CDH2: variants seen among roughly 807,000 people sequenced by gnomAD.
CDH2 encodes cadherin-2.
In CDH2, 17 loss-of-function variants were observed where a neutral mutation model predicts 92.0. The ratio of observed to expected loss-of-function variants is 0.18; its 90% CI spans 0.13 to 0.28. The LOEUF (loss-of-function observed/expected upper bound fraction) is 0.28, where lower values mean the gene tolerates loss of function less well. Ranked by LOEUF, CDH2 falls within the 10% of genes least tolerant of loss-of-function variation. The probability of loss-of-function intolerance (pLI) is 1.00; values close to 1 mark genes in which losing one functional copy is unlikely to be tolerated. For synonymous variants in CDH2, 419 were observed against 415.9 expected (o/e 1.01, Z -0.09); for missense variants, 862 against 1,133.1 (o/e 0.76, Z 3.44).
intron 1 of CDH2, among the ~76,000 whole-genome samples, chr18:28,156,421 G>GC (rs1568020360): frequency 6.7e-6 from 1 of 149,996 alleles, no homozygotes; most frequent in Non-Finnish European, 1.5e-5. Flanking sequence ...CCCAGGTACA[G>GC]AATGTCACCT....
At chr18:28,041,510 A>G (rs932487779) in intron 2 of CDH2, among the ~76,000 whole-genome samples, 3 of 152,228 alleles carry the variant, frequency 2.0e-5, no homozygotes, top group African/African-American at 4.8e-5. Flanking sequence ...AAAGATGAAC[A>G]GTCAGCAGGC....
intron 2 of CDH2, among the ~76,000 whole-genome samples, chr18:28,096,491 G>A (rs1488961785): frequency 5.4e-5 from 8 of 149,454 alleles, no homozygotes; most frequent in East Asian, 3.9e-4. Context: ...TTTCTGGAAC[G>A]CAATATGAAA....
intron 7 of CDH2, among the ~76,000 whole-genome samples, chr18:27,994,737 T>G (rs757147540): frequency 2.0e-5 from 3 of 152,030 alleles, no homozygotes; most frequent in Non-Finnish European, 4.4e-5. Flanking sequence ...GGAGCTTAGA[T>G]AGAACACACA....
At chr18:28,116,147 A>G (rs1220773955) in intron 2 of CDH2, among the ~76,000 whole-genome samples, 2 of 152,128 alleles carry the variant, frequency 1.3e-5, no homozygotes, top group Non-Finnish European at 2.9e-5. Flanking sequence ...TACATCAAAG[A>G]ATTATCTGGT....
chr18:28,142,333 C>G (rs1033976764), intron 2 of CDH2, among the ~76,000 whole-genome samples: 1 of 151,890 alleles, frequency 6.6e-6, no homozygotes, highest in Non-Finnish European at 1.5e-5. Flanking sequence ...TGAAGAACTA[C>G]AAAAGGACTT....
At chr18:28,077,523 G>T (rs2144182112) in intron 2 of CDH2, among the ~76,000 whole-genome samples, 1 of 152,178 alleles carries the variant, frequency 6.6e-6, no homozygotes, top group Admixed American at 6.5e-5. Flanking sequence ...AACTCTAAAA[G>T]TCCTCCAAAA....
At chr18:28,043,890 A>ATTT (rs67532914) in intron 2 of CDH2, among the ~76,000 whole-genome samples, 2,166 of 91,202 alleles carry the variant, frequency 0.024, 294 homozygotes, top group Non-Finnish European at 0.033. Flanking sequence ...AGAATCTCGG[A>ATTT]TTTTTTTTTT....
At chr18:28,015,586 G>C (rs2013222322) in intron 2 of CDH2, among the ~76,000 whole-genome samples, 1 of 152,122 alleles carries the variant, frequency 6.6e-6, no homozygotes, top group African/African-American at 2.4e-5. Context: ...TGTATAAAAA[G>C]TACTTTTTTA....
chr18:27,999,540 T>C (rs924228691), intron 7 of CDH2, among the ~76,000 whole-genome samples: 1 of 152,076 alleles, frequency 6.6e-6, no homozygotes, highest in Non-Finnish European at 1.5e-5. Flanking sequence ...GTAAAGGTGA[T>C]AGATAGTGCT....
At chr18:27,948,805 T>G (rs977633650), downstream of CDH2, among the ~76,000 whole-genome samples, 1 of 151,966 alleles carries the variant, frequency 6.6e-6, no homozygotes, top group African/African-American at 2.4e-5. Flanking sequence ...GTAAATATAT[T>G]TTTGTACACA....
intron 2 of CDH2, among the ~76,000 whole-genome samples, chr18:28,088,356 A>G (rs1402552998): frequency 6.6e-6 from 1 of 152,230 alleles, no homozygotes; most frequent in Non-Finnish European, 1.5e-5. Flanking sequence ...AATAAAACAT[A>G]CGTAAGCCCT....
chr18:28,113,534 T>C (rs1416790920), intron 2 of CDH2, among the ~76,000 whole-genome samples: 1 of 149,534 alleles, frequency 6.7e-6, no homozygotes, highest in Non-Finnish European at 1.5e-5. Context: ...GTGGCACAAA[T>C]ATTCTCCACT....
At chr18:28,144,573 A>G (rs2016005865) in intron 2 of CDH2, among the ~76,000 whole-genome samples, 1 of 152,060 alleles carries the variant, frequency 6.6e-6, no homozygotes, top group Admixed American at 6.6e-5. Flanking sequence ...AAATCCCTAA[A>G]GAAAAATCAA....
intron 2 of CDH2, among the ~76,000 whole-genome samples, chr18:28,142,765 C>A (rs1378128163): frequency 6.6e-6 from 1 of 151,626 alleles, no homozygotes. Context: ...TATAAACCTG[C>A]CTTACAAATA....
At chr18:27,998,432 G>A (rs1369201630) in intron 7 of CDH2, among the ~76,000 whole-genome samples, 4 of 152,132 alleles carry the variant, frequency 2.6e-5, no homozygotes, top group Admixed American at 6.5e-5. Context: ...CCAGCCATAA[G>A]AGGCAGATAA....
At chr18:27,990,488 G>C (rs2012382196) in intron 9 of CDH2, 138 bp from the exon 10 acceptor site, 1 of 732,744 alleles carries the variant, frequency 1.4e-6, no homozygotes, top group Admixed American at 2.9e-5. Context: ...CAAGTTTCTG[G>C]AAAACATGCA....
intron 14 of CDH2, among the ~76,000 whole-genome samples, chr18:27,964,040 C>G (rs1345554852): frequency 6.6e-6 from 1 of 152,132 alleles, no homozygotes; most frequent in African/African-American, 2.4e-5. Flanking sequence ...CTATTTTTCT[C>G]TAAGATTAGC....
chr18:28,134,031 C>T (rs529998574), intron 2 of CDH2, among the ~76,000 whole-genome samples: 14 of 150,460 alleles, frequency 9.3e-5, no homozygotes, highest in African/African-American at 3.4e-4. Flanking sequence ...CATGGTGAGT[C>T]ACGCCTATAG....
chr18:28,003,234 T>C, intron 6 of CDH2, 65 bp from the exon 7 acceptor site: 11 of 1,254,782 alleles, frequency 8.8e-6, no homozygotes, highest in Non-Finnish European at 1.1e-5. Context: ...AAATAGAAGG[T>C]ATATTTATTG....
Sources: allele counts gnomAD v4.1 joint callset (sites outside exome capture counted in the v4.1 genomes callset), GRCh38; gene constraint gnomAD v4.1.1; transcripts MANE v1.5; gene names NCBI Gene and HGNC (gene_info 2026-07-23, HGNC 2026-07-21).